MPPED1: variants seen among roughly 807,000 people sequenced by gnomAD.
The protein encoded by MPPED1 is metallophosphoesterase domain containing 1.
Under a neutral mutation model 36.2 loss-of-function variants are expected in MPPED1, and 16 were observed. The observed-to-expected ratio is 0.44, with a 90% CI of 0.30 to 0.67. MPPED1 has a LOEUF of 0.67. Ranked by LOEUF, MPPED1 falls within the 30% of genes least tolerant of loss-of-function variation. The pLI is 0.10. For synonymous variants in MPPED1, 199 were observed against 191.3 expected (o/e 1.04, Z -0.33); for missense variants, 307 against 453.4 (o/e 0.68, Z 2.93).
intron 3 of MPPED1, among the ~76,000 whole-genome samples, chr22:43,473,456 C>A (rs1931443134): frequency 6.6e-6 from 1 of 152,246 alleles, no homozygotes; most frequent in Non-Finnish European, 1.5e-5. Flanking sequence ...TCCCCATCCA[C>A]CCCGAGGCCC....
At chr22:43,465,109 C>CT (rs374600963) in intron 3 of MPPED1, among the ~76,000 whole-genome samples, 1 of 152,346 alleles carries the variant, frequency 6.6e-6, no homozygotes, top group Non-Finnish European at 1.5e-5. Context: ...GATGGGGAAA[C>CT]TGAGGCACGA....
At chr22:43,494,279 A>G (rs1370081174) in intron 4 of MPPED1, among the ~76,000 whole-genome samples, 2 of 152,162 alleles carry the variant, frequency 1.3e-5, no homozygotes, top group African/African-American at 4.8e-5. Context: ...GGCTCAAACA[A>G]TCCTCCTGTC....
intron 3 of MPPED1, among the ~76,000 whole-genome samples, chr22:43,460,236 C>T (rs1232093663): frequency 1.7e-5 from 2 of 116,106 alleles, no homozygotes; most frequent in Non-Finnish European, 3.7e-5. Flanking sequence ...AAAACAAAAA[C>T]AAAAACAAAA....
In MPPED1 at chr22:43,425,181, G is replaced by C; in HGVS notation, c.196G>C (p.Gly66Arg). 6.2e-7 allele frequency: 1 copy of C among 1,607,912 alleles called. No individual in the cohort carries two copies. The highest frequency in any genetic ancestry group is 8.5e-7 in the Non-Finnish European group (1 of 1,175,022). Residue 66 changes from glycine (G) to arginine (R), a missense_variant, in exon 2 of 7, where the codon GGC (glycine) becomes CGC (arginine). This residue lies in a region of MPPED1 where 169 missense variants were observed against 212.3 expected (regional missense o/e 0.80). Coordinates refer to ENST00000443721, the MANE Select transcript of MPPED1 (RefSeq NM_001044370.2). ...QAFTFYNINQ[G>R]RFQPPHVQMV... Reference sequence around the variant, plus strand: ...CTTCACCTTCTACAACATCAACCAGGGCCGCTTCCAGCCACCGCATGTGCA... The same window carrying C: ...CTTCACCTTCTACAACATCAACCAGCGCCGCTTCCAGCCACCGCATGTGCA...
At chr22:43,460,434 G>T (rs1253605903) in intron 3 of MPPED1, among the ~76,000 whole-genome samples, 1 of 151,958 alleles carries the variant, frequency 6.6e-6, no homozygotes, top group Admixed American at 6.6e-5. Flanking sequence ...GGGTTCAAGT[G>T]ATTCTCCTGC....
chr22:43,500,196 G>GGGGTGGTGA (rs1932642407), intron 5 of MPPED1, among the ~76,000 whole-genome samples: 1 of 52,676 alleles, frequency 1.9e-5, no homozygotes. Context: ...GGTGATGGAG[G>GGGGTGGTGA]TGGTAATGGA....
chr22:43,488,559 A>G (rs529529028), intron 4 of MPPED1, among the ~76,000 whole-genome samples: 1 of 152,354 alleles, frequency 6.6e-6, no homozygotes, highest in South Asian at 2.1e-4. Flanking sequence ...GGTTACCATA[A>G]GAGCACAAAA....
chr22:43,458,831 C>G (rs1482854758), intron 3 of MPPED1, among the ~76,000 whole-genome samples: 1 of 152,158 alleles, frequency 6.6e-6, no homozygotes, highest in Non-Finnish European at 1.5e-5. Flanking sequence ...GTCCTTCTTC[C>G]TAGCGTTTGT....
intron 4 of MPPED1, among the ~76,000 whole-genome samples, chr22:43,484,487 C>A (rs1322078777): frequency 6.6e-6 from 1 of 152,114 alleles, no homozygotes; most frequent in African/African-American, 2.4e-5. Context: ...CTCTGGCAGT[C>A]CCTGCTGAGC....
At chr22:43,415,225 C>CAAAAAATAAAAAAAAAAAA (rs1929036827) in intron 1 of MPPED1, among the ~76,000 whole-genome samples, 1 of 49,414 alleles carries the variant, frequency 2.0e-5, no homozygotes, top group Non-Finnish European at 3.5e-5. Flanking sequence ...ATGTCAAAAG[C>CAAAAAATAAAAAAAAAAAA]AAAAAAAAAA....
At chr22:43,438,844 G>A (rs1483226759) in intron 3 of MPPED1, among the ~76,000 whole-genome samples, 2 of 152,120 alleles carry the variant, frequency 1.3e-5, no homozygotes, top group Non-Finnish European at 2.9e-5. Context: ...TTCCCCAGCC[G>A]ACAGGGCGGG....
At chr22:43,423,654 C>T (rs540637989) in intron 1 of MPPED1, among the ~76,000 whole-genome samples, 24 of 152,190 alleles carry the variant, frequency 1.6e-4, no homozygotes, top group Admixed American at 1.6e-3. Context: ...AAAATGTTCT[C>T]CAGTCTCTAA....
Position 43,426,560 on chromosome 22 carries a change from G to A in MPPED1, c.224+1351G>A, listed in dbSNP as rs561568710. ...TGTGGCATCCCAGCCGCTGTCCCTC[G>A]GACCACTCGGAGAAGGAGTTGACGG... On this transcript the variant is annotated intron_variant, in intron 2 of 6. Coordinates refer to ENST00000443721, the MANE Select transcript of MPPED1 (RefSeq NM_001044370.2). Among the ~76,000 whole-genome samples, 6 of 152,268 alleles carry A rather than the reference G, an allele frequency of 3.9e-5. No individual in the cohort carries two copies. The East Asian group carries it at 1.2e-3, about 30-fold the overall frequency.
At chr22:43,475,590 TG>T (rs1931533545) in intron 4 of MPPED1, among the ~76,000 whole-genome samples, 1 of 138,050 alleles carries the variant, frequency 7.2e-6, no homozygotes, top group Non-Finnish European at 1.6e-5. Context: ...GTGGTGGTGG[TG>T]GTGATGGTGG....
chr22:43,452,557 A>G (rs1160616457), intron 3 of MPPED1, among the ~76,000 whole-genome samples: 2 of 152,206 alleles, frequency 1.3e-5, no homozygotes, highest in African/African-American at 4.8e-5. Flanking sequence ...AGAGGGGGGA[A>G]GATGATTTCA....
At chr22:43,463,299 G>T (rs1306544462) in intron 3 of MPPED1, among the ~76,000 whole-genome samples, 5 of 146,750 alleles carry the variant, frequency 3.4e-5, no homozygotes, top group African/African-American at 1.3e-4. Flanking sequence ...CCTGCAACTT[G>T]TAGTACTCAG....
chr22:43,498,415 G>A (rs750087025), intron 5 of MPPED1, 65 bp downstream of exon 5: 2 of 1,347,188 alleles, frequency 1.5e-6, no homozygotes, highest in Non-Finnish European at 2.0e-6. Flanking sequence ...CTCTGGGATG[G>A]GGGGCTGGCT....
At chr22:43,463,612 C>G (rs990637434) in intron 3 of MPPED1, among the ~76,000 whole-genome samples, 1 of 152,060 alleles carries the variant, frequency 6.6e-6, no homozygotes, top group Non-Finnish European at 1.5e-5. Context: ...AAATATCCTG[C>G]TATGTTTTTA....
At chr22:43,436,232 C>A (rs934287574) in intron 3 of MPPED1, among the ~76,000 whole-genome samples, 4 of 152,240 alleles carry the variant, frequency 2.6e-5, no homozygotes, top group African/African-American at 7.2e-5. Flanking sequence ...ATGGATGGCC[C>A]CTGTGCAGCC....
Sources: allele counts gnomAD v4.1 joint callset (sites outside exome capture counted in the v4.1 genomes callset), GRCh38; gene constraint gnomAD v4.1.1; regional missense constraint gnomAD v4.1.1; transcripts MANE v1.5; gene names NCBI Gene and HGNC (gene_info 2026-07-23, HGNC 2026-07-21).